TMEM201: variants seen among roughly 807,000 people sequenced by gnomAD.
TMEM201 encodes the protein RP13-15M17.2.
A neutral mutation model predicts 63.4 loss-of-function variants in TMEM201; 26 were observed. The observed-to-expected ratio is 0.41, with a 90% CI of 0.30 to 0.57. The LOEUF (loss-of-function observed/expected upper bound fraction) is 0.57, where lower values mean the gene tolerates loss of function less well. Ranked by LOEUF, TMEM201 falls within the 20% of genes least tolerant of loss-of-function variation. TMEM201 has a pLI of 0.29. For synonymous variants in TMEM201, 417 were observed against 421.6 expected, an observed-to-expected ratio of 0.99 and a Z score of 0.14; for missense variants, 794 against 917.7, an observed-to-expected ratio of 0.87 and a Z score of 1.74.
In TMEM201 at chr1:9,603,499, C is replaced by T. The variant is rs920263768; in HGVS notation, c.1160+1227C>T. On this transcript the variant is annotated intron_variant, in intron 6 of 10. Coordinates refer to ENST00000340381, the MANE Select transcript of TMEM201 (RefSeq NM_001130924.3). This position sits in a 1 kb window ranked among gnomAD's most constrained non-coding sequence, Gnocchi z 4.5. ...TCTGGCTGCCCACTCCCTCAGGGCC[C>T]ACATGTCCTGCCACTCGCCACTCTG... 1.2e-5 allele frequency: 12 copies of T among 985,414 alleles called. No individual in the cohort carries two copies. The African/African-American group carries it at 1.7e-4, about 14-fold the overall frequency. 61.0% of individuals were successfully genotyped at this position (985,414 alleles called of 1,614,324 possible). A position where few individuals can be genotyped will look rare whatever the true frequency, so the allele number is the denominator to read the frequency against.
chr1:9,593,830 G>T (rs1243007407), intron 1 of TMEM201, among the ~76,000 whole-genome samples: 1 of 152,230 alleles, frequency 6.6e-6, no homozygotes, highest in Non-Finnish European at 1.5e-5. Flanking sequence ...TCCGGCTCAG[G>T]GGTGGGGGGT....
intron 2 of TMEM201, among the ~76,000 whole-genome samples, 173 bp downstream of exon 2, chr1:9,596,183 G>A (rs1054687380): frequency 6.6e-6 from 1 of 152,172 alleles, no homozygotes; most frequent in African/African-American, 2.4e-5. Flanking sequence ...TGTCTCACTC[G>A]ATTCTCACCA....
rs1439493593 is a variant in TMEM201 at position 9,611,857 on chromosome 1, A to G, written c.1870A>G (p.Arg624Gly). The change falls in exon 10 of 11, where the codon AGG becomes GGG. Residue 624 changes from arginine (R) to glycine (G), a missense_variant. By Grantham distance (125) the Arg-to-Gly change is moderately radical (BLOSUM62 -2). Coordinates refer to ENST00000340381, the MANE Select transcript of TMEM201 (RefSeq NM_001130924.3). ...TACCTGTGTGGTGGACACCACCACC[A>G]GGGGCTGCTCGGAGGAGGCCGCCAC... ...SSTCVVDTTT[R>G]GCSEEAATWR... 1 of 1,484,542 alleles carries G rather than the reference A, an allele frequency of 6.7e-7. No individual in the cohort carries two copies. The highest frequency in any genetic ancestry group is 1.2e-5 in the South Asian group (1 of 83,276). The allele number at this position is 1,484,542 out of a possible 1,614,324, so 92.0% of individuals were successfully genotyped here. A position where few individuals can be genotyped will look rare whatever the true frequency, so the allele number is the denominator to read the frequency against.
chr1:9,611,199 CTTT>C (rs70979767), intron 9 of TMEM201: 2,733 of 362,206 alleles, frequency 7.5e-3, no homozygotes, highest in South Asian at 0.01. Flanking sequence ...TGTAGATTTC[CTTT>C]TTTTTTTTTT....
Position 9,613,183 on chromosome 1 carries a change from C to T in TMEM201, c.*100C>T. 8.7e-7 allele frequency: 1 copy of T among 1,151,432 alleles called. No homozygotes were observed. The highest frequency in any genetic ancestry group is 1.3e-6 in the Non-Finnish European group (1 of 799,108). The allele number at this position is 1,151,432 out of a possible 1,614,324, so 71.3% of individuals were successfully genotyped here. On this transcript the variant is annotated 3_prime_UTR_variant, in exon 11 of 11. Transcript: ENST00000340381. Reference sequence around the variant, plus strand: ...CTGGAGGGGCTGCCACCTCTGCCCTCATCTCCAGGGCCTTGACCTCACTGG... The same window carrying T: ...CTGGAGGGGCTGCCACCTCTGCCCTTATCTCCAGGGCCTTGACCTCACTGG...
chr1:9,611,097 C>G, intron 9 of TMEM201: 1 of 1,477,054 alleles, frequency 6.8e-7, no homozygotes, highest in Non-Finnish European at 9.0e-7. Flanking sequence ...CAGATAGTTT[C>G]ACTCAAATGG....
At position 9,596,000 on chromosome 1, in the gene TMEM201, G is replaced by T; in HGVS notation, c.224G>T (p.Gly75Val). ...TGTCCCCACTGCGAGCAGTACAACGGCTTCCAGGAGGTGTGGGTCACAGGC... is the reference window on the plus strand; with the variant it reads ...TGTCCCCACTGCGAGCAGTACAACGTCTTCCAGGAGGTGTGGGTCACAGGC... ...WDCPHCEQYN[G>V]FQENGDYNKP... Residue 75 changes from glycine (G) to valine (V), a missense_variant, in exon 2 of 11, where the codon GGC becomes GTC. Coordinates refer to ENST00000340381, the MANE Select transcript of TMEM201 (RefSeq NM_001130924.3). 1 of 1,612,586 alleles carries T rather than the reference G, an allele frequency of 6.2e-7. No individual in the cohort carries two copies. Among genetic ancestry groups the T allele is most frequent in the Non-Finnish European group, 8.5e-7 (1 of 1,179,972 alleles).
At chr1:9,601,521 G>A (rs565006464) in intron 5 of TMEM201, 67 bp downstream of exon 5, 122 of 1,447,012 alleles carry the variant, frequency 8.4e-5, no homozygotes, top group East Asian at 5.2e-4. Flanking sequence ...TGTCTAGGGC[G>A]GGGGCCAAGA....
chr1:9,613,256 C>T lies in TMEM201; in HGVS notation c.*173C>T, dbSNP rs1644349800. On this transcript the variant is annotated 3_prime_UTR_variant, in exon 11 of 11. Coordinates refer to ENST00000340381, the MANE Select transcript of TMEM201 (RefSeq NM_001130924.3). ...CTGCCCCTCCTCACCTAACGGACTG[C>T]AGGGCTGAGCATGTGTCTGAGGTCA... 3 of 619,802 alleles carry T rather than the reference C, an allele frequency of 4.8e-6. No individual in the cohort carries two copies. The highest frequency in any genetic ancestry group is 1.8e-5 in the African/African-American group (1 of 54,560). 38.4% of individuals were successfully genotyped at this position (619,802 alleles called of 1,614,324 possible).
At chr1:9,599,892 C>G (rs368065375) in intron 4 of TMEM201, among the ~76,000 whole-genome samples, 92 of 152,336 alleles carry the variant, frequency 6.0e-4, no homozygotes, top group African/African-American at 2.1e-3. Context: ...GCCACTGCGC[C>G]CGGCCCCTAT....
chr1:9,591,147 C>T (rs1312818144), intron 1 of TMEM201, among the ~76,000 whole-genome samples: 1 of 152,234 alleles, frequency 6.6e-6, no homozygotes. Context: ...GGCTTCCCCA[C>T]GCATGGAGTC....
In TMEM201 at chr1:9,603,055, T is replaced by G; in HGVS notation, c.1160+783T>G. Reference sequence around the variant, plus strand: ...TGTGCTGACCTTGGGGAATCTGAGCTTTTCCAAGGGTAAGGGGCCCAGGGT... The same window carrying G: ...TGTGCTGACCTTGGGGAATCTGAGCGTTTCCAAGGGTAAGGGGCCCAGGGT... On this transcript the variant is annotated intron_variant, in intron 6 of 10. Coordinates refer to ENST00000340381, the MANE Select transcript of TMEM201 (RefSeq NM_001130924.3). This position sits in a 1 kb window ranked among gnomAD's most constrained non-coding sequence, Gnocchi z 4.5. 1.0e-6 allele frequency: 1 copy of G among 985,454 alleles called. No individual in the cohort carries two copies. 61.0% of individuals were successfully genotyped at this position (985,454 alleles called of 1,614,324 possible).
chr1:9,601,897 A>G (rs1037728989), intron 5 of TMEM201, among the ~76,000 whole-genome samples, 172 bp from the exon 6 acceptor site: 2 of 152,090 alleles, frequency 1.3e-5, no homozygotes, highest in African/African-American at 4.8e-5. Flanking sequence ...ACACTGACCC[A>G]CCTGCTCAGA....
In TMEM201 at chr1:9,610,451, G is replaced by A; in HGVS notation, c.1466-55G>A. 7.0e-7 allele frequency: 1 copy of A among 1,420,106 alleles called. No individual in the cohort carries two copies. Among genetic ancestry groups the A allele is most frequent in the Non-Finnish European group, 9.4e-7 (1 of 1,068,572 alleles). 88.0% of individuals were successfully genotyped at this position (1,420,106 alleles called of 1,614,324 possible). On this transcript the variant is annotated intron_variant, in intron 8 of 10. Coordinates refer to ENST00000340381, the MANE Select transcript of TMEM201 (RefSeq NM_001130924.3). The surrounding 1 kb of genome is among the most constrained non-coding windows in gnomAD (Gnocchi z 4.9). The stretch of plus-strand genomic sequence containing the variant: ...GCCCCCAGAAATGAAATAGCGCATT[G>A]TAGCGTTGCAGTGACAGGAGCCCAC...
At position 9,613,758 on chromosome 1, in the gene TMEM201, G is replaced by A. The variant is rs1459063323; in HGVS notation, c.*675G>A. 2 of 152,412 alleles carry A rather than the reference G, an allele frequency of 1.3e-5. No individual in the cohort carries two copies. Among genetic ancestry groups the A allele is most frequent in the South Asian group, 2.1e-4 (1 of 4,830 alleles). 9.4% of individuals were successfully genotyped at this position (152,412 alleles called of 1,614,324 possible). ...CTTTGTGACCTCTGTTGACCTTCCT[G>A]GAAGCAGCCCCATTACCCTGAGAAT... On this transcript the variant is annotated 3_prime_UTR_variant, in exon 11 of 11. Transcript: ENST00000340381.
At chr1:9,595,600 TG>T (rs892115303) in intron 1 of TMEM201, among the ~76,000 whole-genome samples, 1 of 152,130 alleles carries the variant, frequency 6.6e-6, no homozygotes, top group African/African-American at 2.4e-5. Flanking sequence ...CCTAGGGATC[TG>T]CTGAGGCTCC....
Position 9,604,727 on chromosome 1 carries a change from C to T in TMEM201, c.1160+2455C>T. The T allele has an allele frequency of 1.0e-6, 1 of 986,020 alleles. No homozygotes were observed. The highest frequency in any genetic ancestry group is 1.2e-6 in the Non-Finnish European group (1 of 830,050). 61.1% of individuals were successfully genotyped at this position (986,020 alleles called of 1,614,324 possible). A position where few individuals can be genotyped will look rare whatever the true frequency, so the allele number is the denominator to read the frequency against. Reference sequence around the variant, plus strand: ...CCCGTACCCCTTGCCTGGGAGCAAACCGCCAGGACGCAGCCTCCACGCCGC... The same window carrying T: ...CCCGTACCCCTTGCCTGGGAGCAAATCGCCAGGACGCAGCCTCCACGCCGC... On this transcript the variant is annotated intron_variant, in intron 6 of 10. Transcript: ENST00000340381. The surrounding 1 kb of genome is among the most constrained non-coding windows in gnomAD (Gnocchi z 4.1).
At position 9,604,306 on chromosome 1, in the gene TMEM201, G is replaced by A. The variant is rs1644203721; in HGVS notation, c.1160+2034G>A. The stretch of plus-strand genomic sequence containing the variant: ...GCCAGGATCCTCCTGCCGAGCTGAT[G>A]TCGCTCCTGCCCTCTGCCGGGGTCC... On this transcript the variant is annotated intron_variant, in intron 6 of 10. Coordinates refer to ENST00000340381, the MANE Select transcript of TMEM201 (RefSeq NM_001130924.3). This position sits in a 1 kb window ranked among gnomAD's most constrained non-coding sequence, Gnocchi z 4.1. 5.1e-6 allele frequency: 5 copies of A among 985,342 alleles called. No individual in the cohort carries two copies. Among genetic ancestry groups the A allele is most frequent in the Non-Finnish European group, 6.0e-6 (5 of 829,950 alleles). 61.0% of individuals were successfully genotyped at this position (985,342 alleles called of 1,614,324 possible).
intron 1 of TMEM201, among the ~76,000 whole-genome samples, chr1:9,593,677 G>C (rs1643960626): frequency 6.6e-6 from 1 of 152,242 alleles, no homozygotes. Context: ...CTGGACAGAA[G>C]CCACAGCCCC....
Sources: allele counts gnomAD v4.1 joint callset (sites outside exome capture counted in the v4.1 genomes callset), GRCh38; gene constraint gnomAD v4.1.1; non-coding constraint Gnocchi (gnomAD v3.1); transcripts MANE v1.5; gene names NCBI Gene and HGNC (gene_info 2026-07-23, HGNC 2026-07-21).